Variants in REEP3 observed in about 807,000 individuals in gnomAD.
The protein encoded by REEP3 is receptor expression-enhancing protein 3.
REEP3 carries 20 observed loss-of-function variants against 41.3 expected under a neutral mutation model. The observed-to-expected ratio is 0.48, with a 90% CI of 0.34 to 0.70. The LOEUF (loss-of-function observed/expected upper bound fraction) is 0.70, where lower values mean the gene tolerates loss of function less well. Ranked by LOEUF, REEP3 falls within the 30% of genes least tolerant of loss-of-function variation. REEP3 has a pLI of 0.01. For synonymous variants in REEP3, 104 were observed against 101.8 expected, an observed-to-expected ratio of 1.02 and a Z score of -0.13; for missense variants, 271 against 308.8, an observed-to-expected ratio of 0.88 and a Z score of 0.92.
In REEP3 at chr10:63,566,355, T is replaced by A; in HGVS notation, c.50T>A (p.Leu17His). The A allele has an allele frequency of 6.4e-7, 1 of 1,551,580 alleles. No homozygotes were observed. Among genetic ancestry groups the A allele is most frequent in the Non-Finnish European group, 8.7e-7 (1 of 1,144,032 alleles). The stretch of plus-strand genomic sequence containing the variant: ...ACTTTTAGGCTGGTGTTTGGAATGC[T>A]TTATCCTGCATATTATTCATACAAA... ...SRAVVLVFGM[L>H]YPAYYSYKAV... is the part of the protein sequence containing the mutation. Residue 17 changes from leucine (L) to histidine (H), a missense_variant, in exon 2 of 8, where the codon CTT (leucine) becomes CAT (histidine). Leu to His is a moderately conservative substitution (Grantham distance 99, BLOSUM62 -3). Transcript: ENST00000373758.
intron 2 of REEP3, among the ~76,000 whole-genome samples, chr10:63,573,267 T>C (rs931227850): frequency 6.6e-6 from 1 of 152,224 alleles, no homozygotes; most frequent in African/African-American, 2.4e-5. Flanking sequence ...TCCTGCATAG[T>C]GTGGCTGATA....
intron 2 of REEP3, among the ~76,000 whole-genome samples, chr10:63,581,285 C>T (rs1464490762): frequency 1.3e-5 from 2 of 152,102 alleles, no homozygotes; most frequent in East Asian, 1.9e-4. Context: ...AGAGCTATTC[C>T]TGAAGATTGT....
At chr10:63,603,419 G>T (rs1956193177) in intron 5 of REEP3, among the ~76,000 whole-genome samples, 1 of 151,198 alleles carries the variant, frequency 6.6e-6, no homozygotes, top group African/African-American at 2.4e-5. Context: ...AAACAAAAAT[G>T]TGTCTATTTC....
chr10:63,532,653 CA>C (rs538797348), intron 1 of REEP3, among the ~76,000 whole-genome samples: 460 of 118,910 alleles, frequency 3.9e-3, no homozygotes, highest in Admixed American at 6.1e-3. Context: ...GAGACTCCGT[CA>C]AAAAAAAAAA....
chr10:63,607,811 T>C (rs1027041978), intron 5 of REEP3, among the ~76,000 whole-genome samples: 1 of 152,162 alleles, frequency 6.6e-6, no homozygotes, highest in Admixed American at 6.5e-5. Context: ...AGTTCATTTG[T>C]GAGGTATATC....
At chr10:63,553,519 AT>A (rs1461496785) in intron 1 of REEP3, among the ~76,000 whole-genome samples, 4 of 152,118 alleles carry the variant, frequency 2.6e-5, no homozygotes, top group East Asian at 1.9e-4. Flanking sequence ...TTTCATGCTC[AT>A]TGGTGAAGTG....
At chr10:63,609,062 T>G (rs895811461) in intron 5 of REEP3, among the ~76,000 whole-genome samples, 2 of 152,230 alleles carry the variant, frequency 1.3e-5, no homozygotes, top group African/African-American at 2.4e-5. Flanking sequence ...TTCAAGATTC[T>G]TTGGCTCTTA....
At chr10:63,565,886 CTT>C (rs372856366) in intron 1 of REEP3, among the ~76,000 whole-genome samples, 19 of 136,992 alleles carry the variant, frequency 1.4e-4, no homozygotes, top group Admixed American at 1.5e-4. Flanking sequence ...TTTAAATCAT[CTT>C]TTTTTTTTTT....
intron 1 of REEP3, among the ~76,000 whole-genome samples, chr10:63,564,080 T>C (rs1395379294): frequency 6.6e-6 from 1 of 152,208 alleles, no homozygotes; most frequent in Admixed American, 6.5e-5. Flanking sequence ...TAAAGTTTAA[T>C]TGATAAACAA....
intron 1 of REEP3, among the ~76,000 whole-genome samples, chr10:63,549,248 G>T (rs527311261): frequency 9.8e-5 from 15 of 152,306 alleles, no homozygotes; most frequent in Admixed American, 6.5e-4. Flanking sequence ...TCCATAGAAG[G>T]CAGAGGTGTG....
intron 2 of REEP3, among the ~76,000 whole-genome samples, chr10:63,581,970 A>T (rs1589875550): frequency 6.6e-6 from 1 of 152,044 alleles, no homozygotes; most frequent in South Asian, 2.1e-4. Flanking sequence ...CACTGAACAG[A>T]TTATCTCACA....
intron 1 of REEP3, chr10:63,562,628 C>A (rs1955751914): frequency 8.8e-6 from 4 of 456,478 alleles, no homozygotes; most frequent in South Asian, 4.6e-5. Flanking sequence ...GAAGCGTATT[C>A]TTCCTGTGAC....
At chr10:63,565,427 G>A (rs1448794421) in intron 1 of REEP3, among the ~76,000 whole-genome samples, 1 of 152,124 alleles carries the variant, frequency 6.6e-6, no homozygotes, top group Admixed American at 6.5e-5. Context: ...CTTGGACCTG[G>A]GATTTGGTGA....
At chr10:63,599,073 A>G in intron 4 of REEP3, 97 bp from the exon 5 acceptor site, 1 of 638,018 alleles carries the variant, frequency 1.6e-6, no homozygotes. Flanking sequence ...GCTTAATGCT[A>G]TAAAATTAAT....
In REEP3 at chr10:63,624,941, T is replaced by G. The variant is rs369824443; in HGVS notation, c.*4072T>G. 1 of 152,130 alleles carries G rather than the reference T, an allele frequency of 6.6e-6. No homozygotes were observed. Among genetic ancestry groups the G allele is most frequent in the Non-Finnish European group, 1.5e-5 (1 of 67,976 alleles). The allele number at this position is 152,130 out of a possible 1,614,324, so 9.4% of individuals were successfully genotyped here. A position where few individuals can be genotyped will look rare whatever the true frequency, so the allele number is the denominator to read the frequency against. On this transcript the variant is annotated 3_prime_UTR_variant, in exon 8 of 8. Coordinates refer to ENST00000373758, the MANE Select transcript of REEP3 (RefSeq NM_001001330.3). ...AGTTAGACGTCTGTCTGCCTCACATTTAAGCTTTAGAGAGAAATCCTATGT... is the reference window on the plus strand; with the variant it reads ...AGTTAGACGTCTGTCTGCCTCACATGTAAGCTTTAGAGAGAAATCCTATGT...
At chr10:63,533,331 A>G (rs962975078) in intron 1 of REEP3, among the ~76,000 whole-genome samples, 2 of 152,226 alleles carry the variant, frequency 1.3e-5, no homozygotes, top group African/African-American at 4.8e-5. Flanking sequence ...ATATGGAAAT[A>G]AAATAGAATA....
intron 1 of REEP3, among the ~76,000 whole-genome samples, chr10:63,561,515 A>G (rs183700771): frequency 2.6e-5 from 4 of 152,242 alleles, no homozygotes; most frequent in African/African-American, 9.6e-5. Flanking sequence ...GGTTTATATA[A>G]GGCAGTGCTT....
chr10:63,529,488 C>T (rs1011258880), intron 1 of REEP3, among the ~76,000 whole-genome samples: 1 of 152,044 alleles, frequency 6.6e-6, no homozygotes, highest in African/African-American at 2.4e-5. Context: ...GACAGGGTTT[C>T]ACTCTGTCAT....
intron 2 of REEP3, among the ~76,000 whole-genome samples, chr10:63,574,395 G>C (rs533319071): frequency 6.6e-6 from 1 of 152,080 alleles, no homozygotes; most frequent in East Asian, 1.9e-4. Flanking sequence ...AGGCTTCCTA[G>C]GTTTCATCCT....
Sources: allele counts gnomAD v4.1 joint callset (sites outside exome capture counted in the v4.1 genomes callset), GRCh38; gene constraint gnomAD v4.1.1; transcripts MANE v1.5; gene names NCBI Gene and HGNC (gene_info 2026-07-23, HGNC 2026-07-21).